NR3C2: variants seen among roughly 807,000 people sequenced by gnomAD.
The protein encoded by NR3C2 is nuclear receptor subfamily 3 group C member 2.
A neutral mutation model predicts 86.4 loss-of-function variants in NR3C2; 15 were observed. That is an observed-to-expected ratio of 0.17 (90% CI 0.12 to 0.27). The LOEUF (loss-of-function observed/expected upper bound fraction) is 0.27. NR3C2 is among the 10% of genes least tolerant of loss of function. NR3C2 has a pLI of 1.00. For synonymous variants in NR3C2, 458 were observed against 450.5 expected (o/e 1.02, Z -0.21); for missense variants, 960 against 1,195.6 (o/e 0.80, Z 2.91).
chr4:148,373,329 T>C (rs937881495), intron 2 of NR3C2, among the ~76,000 whole-genome samples: 9 of 152,168 alleles, frequency 5.9e-5, no homozygotes, highest in African/African-American at 2.2e-4. Context: ...TCCATCTACA[T>C]CACACTCAGA....
At chr4:148,120,379 G>A in intron 6 of NR3C2, 91 bp from the exon 7 acceptor site, 2 of 1,500,974 alleles carry the variant, frequency 1.3e-6, no homozygotes, top group East Asian at 2.3e-5. Flanking sequence ...AGAGATCTGA[G>A]TCAGAATTCT....
At chr4:148,397,626 A>C (rs1579250396) in intron 2 of NR3C2, among the ~76,000 whole-genome samples, 1 of 151,848 alleles carries the variant, frequency 6.6e-6, no homozygotes, top group East Asian at 1.9e-4. Flanking sequence ...AATACAAAAA[A>C]CTCCTTTCCT....
At chr4:148,314,854 T>C (rs1743085109) in intron 2 of NR3C2, among the ~76,000 whole-genome samples, 1 of 152,112 alleles carries the variant, frequency 6.6e-6, no homozygotes, top group Non-Finnish European at 1.5e-5. Flanking sequence ...AAAACACACA[T>C]CCAATAATTA....
intron 4 of NR3C2, among the ~76,000 whole-genome samples, chr4:148,163,642 G>A (rs1184300592): frequency 1.5e-5 from 2 of 136,688 alleles, no homozygotes; most frequent in East Asian, 4.4e-4. Flanking sequence ...AAAGCAAGCT[G>A]TTTGCTCAGT....
intron 2 of NR3C2, among the ~76,000 whole-genome samples, chr4:148,339,800 C>T (rs1161424037): frequency 6.6e-6 from 1 of 151,900 alleles, no homozygotes; most frequent in African/African-American, 2.4e-5. Context: ...ATTTAAGAAC[C>T]TAAAAATTAG....
chr4:148,288,799 C>G (rs1025183528), intron 2 of NR3C2, among the ~76,000 whole-genome samples: 1 of 152,126 alleles, frequency 6.6e-6, no homozygotes, highest in African/African-American at 2.4e-5. Flanking sequence ...CTCAGCCATG[C>G]CCAAATCAGA....
intron 2 of NR3C2, among the ~76,000 whole-genome samples, chr4:148,424,423 A>G (rs1251920321): frequency 6.6e-6 from 1 of 152,178 alleles, no homozygotes; most frequent in Non-Finnish European, 1.5e-5. Flanking sequence ...TATTCTAATG[A>G]TTCCACTCCT....
intron 2 of NR3C2, among the ~76,000 whole-genome samples, chr4:148,422,495 A>T (rs896589441): frequency 6.6e-6 from 1 of 152,180 alleles, no homozygotes; most frequent in African/African-American, 2.4e-5. Flanking sequence ...GAAACTTTGC[A>T]TCTAGAATTT....
chr4:148,347,344 T>C (rs1297565126), intron 2 of NR3C2, among the ~76,000 whole-genome samples: 3 of 151,984 alleles, frequency 2.0e-5, no homozygotes, highest in African/African-American at 4.8e-5. Context: ...CCAGTATTAT[T>C]TGAAATATCA....
At chr4:148,362,187 T>A (rs963759211) in intron 2 of NR3C2, among the ~76,000 whole-genome samples, 2 of 152,236 alleles carry the variant, frequency 1.3e-5, no homozygotes, top group African/African-American at 4.8e-5. Flanking sequence ...ACATGTGGCG[T>A]ATCCCAAGAT....
At chr4:148,208,700 A>C (rs1737127777) in intron 3 of NR3C2, 1 of 152,274 alleles carries the variant, frequency 6.6e-6, no homozygotes, top group African/African-American at 2.4e-5. Flanking sequence ...TCTGGGCTGG[A>C]CTTCCTTGTG....
chr4:148,434,826 T>C (rs1749959668), intron 2 of NR3C2, among the ~76,000 whole-genome samples: 1 of 152,174 alleles, frequency 6.6e-6, no homozygotes, highest in South Asian at 2.1e-4. Context: ...CAGTAAAACA[T>C]AAATTTTCCG....
At chr4:148,167,027 T>C (rs1009877947) in intron 4 of NR3C2, among the ~76,000 whole-genome samples, 1 of 152,236 alleles carries the variant, frequency 6.6e-6, no homozygotes. Context: ...TGTTTGCCAC[T>C]TCCTTGTTAC....
At chr4:148,411,420 G>A (rs932928456) in intron 2 of NR3C2, among the ~76,000 whole-genome samples, 1 of 152,114 alleles carries the variant, frequency 6.6e-6, no homozygotes, top group Non-Finnish European at 1.5e-5. Flanking sequence ...AAATATTACA[G>A]ACAAGGGTAA....
chr4:148,108,859 C>T (rs1731922132), intron 8 of NR3C2, among the ~76,000 whole-genome samples: 1 of 152,224 alleles, frequency 6.6e-6, no homozygotes, highest in South Asian at 2.1e-4. Flanking sequence ...AGATGTAACC[C>T]TGCACCTCAC....
intron 3 of NR3C2, among the ~76,000 whole-genome samples, chr4:148,256,742 A>G (rs1215935398): frequency 1.3e-5 from 2 of 152,242 alleles, no homozygotes; most frequent in Non-Finnish European, 2.9e-5. Context: ...ATTCAAATTT[A>G]AAATGAACGT....
chr4:148,141,259 C>G (rs926411800), intron 6 of NR3C2, among the ~76,000 whole-genome samples: 1 of 152,092 alleles, frequency 6.6e-6, no homozygotes, highest in Non-Finnish European at 1.5e-5. Context: ...ATGGTGAAAC[C>G]CTGTCTCTAC....
At chr4:148,269,613 T>C (rs974418324) in intron 2 of NR3C2, among the ~76,000 whole-genome samples, 4 of 152,054 alleles carry the variant, frequency 2.6e-5, no homozygotes, top group African/African-American at 7.2e-5. Flanking sequence ...ACAATGACTA[T>C]ATCTATGTAC....
intron 4 of NR3C2, among the ~76,000 whole-genome samples, chr4:148,155,370 T>A (rs1307430042): frequency 6.6e-6 from 1 of 152,156 alleles, no homozygotes; most frequent in Non-Finnish European, 1.5e-5. Context: ...AACCCCACTG[T>A]CTCAGCCCAA....
Sources: allele counts gnomAD v4.1 joint callset (sites outside exome capture counted in the v4.1 genomes callset), GRCh38; gene constraint gnomAD v4.1.1; transcripts MANE v1.5; gene names NCBI Gene and HGNC (gene_info 2026-07-23, HGNC 2026-07-21).